PCDH15: variants seen among roughly 807,000 people sequenced by gnomAD.
PCDH15 encodes the protein protocadherin-15.
PCDH15 carries 129 observed loss-of-function variants against 178.5 expected under a neutral mutation model. The ratio of observed to expected loss-of-function variants is 0.72; its 90% CI spans 0.63 to 0.84. The LOEUF is 0.84. PCDH15 is among the 40% of genes least tolerant of loss of function. PCDH15 has a pLI of 0.00. For synonymous variants in PCDH15, 800 were observed against 732.0 expected (o/e 1.09, Z -1.50); for missense variants, 2,230 against 2,099.9 (o/e 1.06, Z -1.21).
chr10:54,380,729 T>TATACAC lies in PCDH15; in HGVS notation c.158-1788_158-1787insGTGTAT, dbSNP rs1434535029. ...CCATATATATATATATATATATATA[T>TATACAC]ATATATATATATATATATGCTCCAA... On this transcript the variant is annotated intron_variant, in intron 3 of 37. Transcript: ENST00000644397. Among the ~76,000 whole-genome samples the TATACAC allele has an allele frequency of 8.1e-4, 93 of 115,052 alleles. 2 individuals are homozygous for TATACAC. Among genetic ancestry groups the TATACAC allele is most frequent in the African/African-American group, 3.1e-3 (84 of 26,858 alleles). 75.5% of individuals were successfully genotyped at this position (115,052 alleles called of 152,430 possible).
At chr10:54,746,280 G>A (rs1945450126) in intron 1 of PCDH15, among the ~76,000 whole-genome samples, 1 of 151,958 alleles carries the variant, frequency 6.6e-6, no homozygotes, top group African/African-American at 2.4e-5. Flanking sequence ...TCCTTTTGGG[G>A]GCAAAATAAT....
chr10:54,386,464 T>C (rs1428968467), intron 3 of PCDH15, among the ~76,000 whole-genome samples: 1 of 152,060 alleles, frequency 6.6e-6, no homozygotes, highest in Non-Finnish European at 1.5e-5. Flanking sequence ...AATAATCAGA[T>C]ACTTGAATAT....
At chr10:54,847,265 A>C (rs1342834546) in intron 3 of PCDH15, among the ~76,000 whole-genome samples, 2 of 152,114 alleles carry the variant, frequency 1.3e-5, no homozygotes, top group Non-Finnish European at 2.9e-5. Context: ...CCCAAACTTC[A>C]CATGTTTTAA....
At chr10:54,125,891 G>A (rs570774726) in intron 15 of PCDH15, among the ~76,000 whole-genome samples, 1 of 152,078 alleles carries the variant, frequency 6.6e-6, no homozygotes, top group South Asian at 2.1e-4. Context: ...CAATAGAATA[G>A]CTAGTAAAAT....
At chr10:54,923,158 C>T (rs1944630516) in intron 2 of PCDH15, among the ~76,000 whole-genome samples, 2 of 138,532 alleles carry the variant, frequency 1.4e-5, no homozygotes, top group South Asian at 2.3e-4. Context: ...TCTGAAGCAA[C>T]AGCCCAGGCT....
At chr10:55,523,367 A>G (rs933751553) in intron 2 of PCDH15, among the ~76,000 whole-genome samples, 2 of 151,580 alleles carry the variant, frequency 1.3e-5, no homozygotes, top group Admixed American at 1.3e-4. Context: ...AAAAATTAAT[A>G]ATATCTTTAT....
intron 10 of PCDH15, among the ~76,000 whole-genome samples, chr10:54,204,604 T>TAA (rs61083505): frequency 2.0e-5 from 3 of 151,676 alleles, no homozygotes; most frequent in African/African-American, 7.3e-5. Context: ...AAAATGTTAC[T>TAA]AAAAAAATAA....
chr10:54,392,339 G>A (rs956838207), intron 3 of PCDH15, among the ~76,000 whole-genome samples: 4 of 150,496 alleles, frequency 2.7e-5, no homozygotes, highest in Admixed American at 6.6e-5. Flanking sequence ...GGTGGTGGGC[G>A]CCTGTGATCC....
At chr10:54,709,276 G>C (rs2095402685) in intron 1 of PCDH15, among the ~76,000 whole-genome samples, 1 of 151,958 alleles carries the variant, frequency 6.6e-6, no homozygotes, top group African/African-American at 2.4e-5. Context: ...TTATACGTAA[G>C]TAAAGAATAC....
chr10:55,386,892 T>C (rs946442158), intron 2 of PCDH15, among the ~76,000 whole-genome samples: 3 of 152,088 alleles, frequency 2.0e-5, no homozygotes, highest in African/African-American at 7.2e-5. Flanking sequence ...GGTGTACAAA[T>C]TAACGTACAA....
At chr10:55,374,577 A>G (rs1352890993) in intron 2 of PCDH15, among the ~76,000 whole-genome samples, 1 of 152,110 alleles carries the variant, frequency 6.6e-6, no homozygotes, top group Non-Finnish European at 1.5e-5. Flanking sequence ...ACTTAATATG[A>G]GAAAAAAAGT....
At chr10:54,236,469 C>T (rs952248895) in intron 9 of PCDH15, among the ~76,000 whole-genome samples, 1 of 151,460 alleles carries the variant, frequency 6.6e-6, no homozygotes, top group Admixed American at 6.6e-5. Flanking sequence ...AAAGGTAAAA[C>T]ACGTGTAAAA....
At chr10:54,471,784 G>A (rs367777911) in intron 3 of PCDH15, among the ~76,000 whole-genome samples, 1 of 151,538 alleles carries the variant, frequency 6.6e-6, no homozygotes, top group Non-Finnish European at 1.5e-5. Context: ...ATTTCCCTAG[G>A]TCAGAAACTT....
chr10:54,144,565 C>T (rs2043721380), intron 14 of PCDH15, among the ~76,000 whole-genome samples: 1 of 151,942 alleles, frequency 6.6e-6, no homozygotes, highest in Non-Finnish European at 1.5e-5. Flanking sequence ...CTATATATTC[C>T]CATAATTTTA....
intron 5 of PCDH15, among the ~76,000 whole-genome samples, chr10:54,356,117 T>C (rs1314479098): frequency 6.6e-6 from 1 of 152,056 alleles, no homozygotes; most frequent in Non-Finnish European, 1.5e-5. Context: ...AAGGGAAAGC[T>C]GGAAGACACT....
chr10:54,606,466 T>C (rs1454942489), intron 2 of PCDH15: 1 of 152,144 alleles, frequency 6.6e-6, no homozygotes, highest in Admixed American at 6.6e-5. Flanking sequence ...TACAACTCCT[T>C]TGAGCAGGCT....
rs758637880 is a variant in PCDH15 at position 54,788,454 on chromosome 10, T to A, written c.-29+12471A>T. Among the ~76,000 whole-genome samples, 160 of 151,866 alleles carry A rather than the reference T, an allele frequency of 1.1e-3. 2 individuals are homozygous for A. The highest frequency in any genetic ancestry group is 2.1e-3 in the Non-Finnish European group (140 of 67,874). Reference sequence around the variant, plus strand: ...GTCAGAGATACAATTTTAGCTGCCATCTATAGACAGAAATTAGTTAAGAAT... The same window carrying A: ...GTCAGAGATACAATTTTAGCTGCCAACTATAGACAGAAATTAGTTAAGAAT... On this transcript the variant is annotated intron_variant, in intron 1 of 37. Coordinates refer to ENST00000644397, the MANE Select transcript of PCDH15 (RefSeq NM_001384140.1).
At chr10:55,317,413 G>A (rs761788690) in intron 1 of PCDH15, among the ~76,000 whole-genome samples, 3 of 151,816 alleles carry the variant, frequency 2.0e-5, no homozygotes, top group Non-Finnish European at 4.4e-5. Flanking sequence ...TTTCCCATGT[G>A]TTTTAATATC....
At chr10:54,361,433 G>A (rs533415943) in intron 5 of PCDH15, among the ~76,000 whole-genome samples, 14 of 152,100 alleles carry the variant, frequency 9.2e-5, no homozygotes, top group South Asian at 4.1e-4. Context: ...TGTCATCATC[G>A]TTCCTACCAT....
Sources: gnomAD v4.1 joint callset for allele counts (sites outside exome capture counted in the v4.1 genomes callset) on GRCh38, gnomAD v4.1.1 for gene constraint, MANE v1.5 for transcripts, NCBI Gene and HGNC (gene_info 2026-07-23, HGNC 2026-07-21) for gene names.